The following FAM184A variants were observed in gnomAD, a reference collection of about 807,000 sequenced individuals.
The protein encoded by FAM184A is protein FAM184A.
A neutral mutation model predicts 143.8 loss-of-function variants in FAM184A; 99 were observed. The ratio of observed to expected loss-of-function variants is 0.69; its 90% confidence interval spans 0.58 to 0.81. The LOEUF is 0.81. FAM184A is among the 40% of genes least tolerant of loss of function. FAM184A has a pLI of 0.00. For synonymous variants in FAM184A, 427 were observed against 446.4 expected (o/e 0.96, Z 0.55); for missense variants, 1,217 against 1,310.5 (o/e 0.93, Z 1.10).
intron 1 of FAM184A, among the ~76,000 whole-genome samples, chr6:119,072,290 C>T (rs79650584): frequency 0.023 from 3,455 of 152,204 alleles, 64 homozygotes; most frequent in African/African-American, 0.049. Flanking sequence ...TAATCCAAAC[C>T]ACTCCACTAT....
intron 1 of FAM184A, among the ~76,000 whole-genome samples, chr6:119,110,386 G>T (rs962297172): frequency 6.6e-6 from 1 of 152,112 alleles, no homozygotes; most frequent in African/African-American, 2.4e-5. Flanking sequence ...CAAAACTTTT[G>T]ATTTCCAGCA....
At chr6:119,014,564 GAGGCTTCC>G (rs1785181385) in intron 5 of FAM184A, among the ~76,000 whole-genome samples, 2 of 152,208 alleles carry the variant, frequency 1.3e-5, no homozygotes, top group East Asian at 3.8e-4. Context: ...TCAACTAGTT[GAGGCTTCC>G]TGAAGAGCAC....
chr6:119,119,390 A>C (rs1369611053), intron 1 of FAM184A, among the ~76,000 whole-genome samples: 6 of 152,156 alleles, frequency 3.9e-5, no homozygotes, highest in Non-Finnish European at 8.8e-5. Context: ...GCATCACAGA[A>C]ACTACCGACA....
intron 1 of FAM184A, among the ~76,000 whole-genome samples, chr6:119,112,570 A>G (rs79987229): frequency 3.3e-5 from 5 of 152,172 alleles, no homozygotes; most frequent in Non-Finnish European, 7.3e-5. Flanking sequence ...AGTCTCCTTT[A>G]TCCTTTTCAC....
chr6:119,027,690 A>G (rs7775251), intron 1 of FAM184A, among the ~76,000 whole-genome samples: 19,522 of 152,232 alleles, frequency 0.13, 1,456 homozygotes, highest in Non-Finnish European at 0.17. Flanking sequence ...TGCTTTTCCT[A>G]CAGAAACTAA....
At chr6:119,089,599 A>G (rs999851792) in intron 1 of FAM184A, among the ~76,000 whole-genome samples, 1 of 152,162 alleles carries the variant, frequency 6.6e-6, no homozygotes, top group African/African-American at 2.4e-5. Context: ...CACCATGCCC[A>G]GCCATTATTT....
chr6:119,095,552 T>C (rs1788483545), intron 1 of FAM184A, among the ~76,000 whole-genome samples: 1 of 152,100 alleles, frequency 6.6e-6, no homozygotes, highest in African/African-American at 2.4e-5. Flanking sequence ...ATATAGGCTT[T>C]TATTTTCTTT....
At chr6:119,043,121 A>C (rs1045020669) in intron 1 of FAM184A, among the ~76,000 whole-genome samples, 3 of 152,204 alleles carry the variant, frequency 2.0e-5, no homozygotes, top group African/African-American at 7.2e-5. Context: ...AGAATGTAGA[A>C]ATATAAATGG....
Position 119,053,883 on chromosome 6 carries a change from C to T in FAM184A, c.159+24258G>A, listed in dbSNP as rs574492980. Among the ~76,000 whole-genome samples the T allele has an allele frequency of 7.2e-5, 11 of 152,282 alleles. No individual in the cohort carries two copies. The South Asian group carries it at 1.9e-3, about 26-fold the overall frequency. On this transcript the variant is annotated intron_variant, in intron 1 of 17. Coordinates refer to ENST00000338891, the MANE Select transcript of FAM184A (RefSeq NM_024581.6). Reference sequence around the variant, plus strand: ...AGAGAAGCGTCTGTGTTTTAAAATACTTTTCTGTTGTTTCCTATGGTGATA... The same window carrying T: ...AGAGAAGCGTCTGTGTTTTAAAATATTTTTCTGTTGTTTCCTATGGTGATA...
At chr6:119,088,689 C>T (rs540995051) in intron 1 of FAM184A, among the ~76,000 whole-genome samples, 1 of 152,250 alleles carries the variant, frequency 6.6e-6, no homozygotes, top group East Asian at 1.9e-4. Flanking sequence ...CTCTTAGGAA[C>T]ATTCAGTATT....
intron 7 of FAM184A, among the ~76,000 whole-genome samples, 188 bp from the exon 8 acceptor site, chr6:119,003,810 T>A (rs1784840882): frequency 6.6e-6 from 1 of 152,332 alleles, no homozygotes; most frequent in South Asian, 2.1e-4. Flanking sequence ...AAATTTTATA[T>A]TTTACATGTT....
intron 1 of FAM184A, among the ~76,000 whole-genome samples, chr6:119,098,073 C>T (rs1201571176): frequency 6.6e-6 from 1 of 152,092 alleles, no homozygotes; most frequent in African/African-American, 2.4e-5. Flanking sequence ...CCCATAATTC[C>T]CATGTGTTGT....
rs763619775 is a variant in FAM184A, at chr6:119,096,642, CAAAAAAAAAAAAAAA to C, written c.-202+52421_-202+52435del. Among the ~76,000 whole-genome samples the C allele has an allele frequency of 6.8e-4, 14 of 20,648 alleles. 4 individuals carry two copies. The highest frequency in any genetic ancestry group is 4.0e-4 in the Non-Finnish European group (5 of 12,434). 13.5% of individuals were successfully genotyped at this position (20,648 alleles called of 152,430 possible). On this transcript the variant is annotated intron_variant, in intron 1 of 16. Coordinates refer to the FAM184A transcript ENST00000352896. ...TGGGCGACAGAGCGAGACTCCATCT[CAAAAAAAAAAAAAAA>C]AAAAAAAAAAGAAAGAAAGAAAAGG... is the stretch of plus-strand genomic sequence containing the variant.
At chr6:119,092,425 C>G (rs966527365) in intron 1 of FAM184A, among the ~76,000 whole-genome samples, 1 of 152,216 alleles carries the variant, frequency 6.6e-6, no homozygotes, top group South Asian at 2.1e-4. Context: ...GCATGAGCCA[C>G]TGTGCCCAGC....
chr6:119,135,816 TCTA>T (rs939015547), intron 1 of FAM184A, among the ~76,000 whole-genome samples: 1 of 152,154 alleles, frequency 6.6e-6, no homozygotes, highest in African/African-American at 2.4e-5. Context: ...CCAGGTGAAT[TCTA>T]CTATTTTTTA....
chr6:119,053,988 C>T (rs1336285240), intron 1 of FAM184A, among the ~76,000 whole-genome samples: 1 of 152,064 alleles, frequency 6.6e-6, no homozygotes, highest in African/African-American at 2.4e-5. Flanking sequence ...GTGCTCCCTA[C>T]TGAGAAAATC....
chr6:119,077,098 T>C (rs1007779656), intron 1 of FAM184A, among the ~76,000 whole-genome samples: 1 of 152,194 alleles, frequency 6.6e-6, no homozygotes, highest in Non-Finnish European at 1.5e-5. Flanking sequence ...TTTTCAACCT[T>C]TTTTCACTCC....
At chr6:118,960,453 CCTT>C (rs1437990365) in intron 17 of FAM184A, among the ~76,000 whole-genome samples, 1 of 152,162 alleles carries the variant, frequency 6.6e-6, no homozygotes, top group East Asian at 1.9e-4. Flanking sequence ...AAAAATGTCA[CCTT>C]CTTTGAATAA....
chr6:118,960,877 T>A (rs772326481), intron 17 of FAM184A: 4 of 1,299,284 alleles, frequency 3.1e-6, no homozygotes, highest in Non-Finnish European at 3.1e-6. Context: ...AACATACCCA[T>A]GCACAAGGGA....
Sources: allele counts gnomAD v4.1 joint callset (sites outside exome capture counted in the v4.1 genomes callset), GRCh38; gene constraint gnomAD v4.1.1; transcripts MANE v1.5; gene names NCBI Gene and HGNC (gene_info 2026-07-23, HGNC 2026-07-21).